TRIM24: variants seen among roughly 807,000 people sequenced by gnomAD.
TRIM24 encodes the protein transcription intermediary factor 1-alpha.
TRIM24 carries 29 observed loss-of-function variants against 123.9 expected under a neutral mutation model. The ratio of observed to expected loss-of-function variants is 0.23; its 90% confidence interval spans 0.17 to 0.32. The LOEUF is 0.32. Among genes scored for constraint, TRIM24 ranks in the 10% least tolerant of loss-of-function variants. The pLI is 1.00. For missense variants in TRIM24, 932 were observed against 1,295.3 expected, an observed-to-expected ratio of 0.72 and a Z score of 4.31; for synonymous variants, 456 against 461.1, an observed-to-expected ratio of 0.99 and a Z score of 0.14.
At chr7:138,532,120 T>C (rs1199972173) in intron 6 of TRIM24, among the ~76,000 whole-genome samples, 1 of 151,958 alleles carries the variant, frequency 6.6e-6, no homozygotes, top group African/African-American at 2.4e-5. Context: ...TATTAGCCCT[T>C]TGTCAGATGA....
chr7:138,533,702 T>G (rs1796798941), intron 6 of TRIM24, among the ~76,000 whole-genome samples: 1 of 152,232 alleles, frequency 6.6e-6, no homozygotes, highest in Non-Finnish European at 1.5e-5. Flanking sequence ...TCTGCCAGGC[T>G]TTGGTATCAG....
intron 14 of TRIM24, 80 bp downstream of exon 14, chr7:138,577,668 TTTTTTTAATGTTA>T (rs1445718720): frequency 3.7e-5 from 44 of 1,186,496 alleles, no homozygotes; most frequent in African/African-American, 4.8e-5. Context: ...CTTAGGAGTT[TTTTTTTAATGTTA>T]TATTTAAAAG....
intron 9 of TRIM24, among the ~76,000 whole-genome samples, chr7:138,557,714 C>T (rs1024147627): frequency 6.6e-6 from 1 of 152,088 alleles, no homozygotes; most frequent in African/African-American, 2.4e-5. Context: ...TTCTGCATAC[C>T]CCACCTTCCT....
intron 9 of TRIM24, among the ~76,000 whole-genome samples, chr7:138,562,420 G>A (rs1023985933): frequency 4.6e-5 from 7 of 152,174 alleles, no homozygotes; most frequent in South Asian, 2.1e-4. Flanking sequence ...TGGTACTATC[G>A]GGTGGATGTT....
At chr7:138,479,921 C>T (rs764672989) in intron 1 of TRIM24, among the ~76,000 whole-genome samples, 16 of 152,022 alleles carry the variant, frequency 1.1e-4, no homozygotes, top group Non-Finnish European at 1.9e-4. Context: ...CGGGTTCAAG[C>T]GATTCTCCCA....
At chr7:138,513,948 C>G (rs1796341326) in intron 2 of TRIM24, among the ~76,000 whole-genome samples, 1 of 152,106 alleles carries the variant, frequency 6.6e-6, no homozygotes, top group African/African-American at 2.4e-5. Flanking sequence ...AGATCAATCC[C>G]TATAATCAAA....
chr7:138,537,384 T>TTG (rs1796908612), intron 6 of TRIM24, among the ~76,000 whole-genome samples: 2 of 124,090 alleles, frequency 1.6e-5, no homozygotes, highest in Non-Finnish European at 3.4e-5. Flanking sequence ...TGTTTGTTTT[T>TTG]TTTTTTTTTT....
chr7:138,486,363 G>C (rs943556533), intron 1 of TRIM24, among the ~76,000 whole-genome samples: 2 of 152,064 alleles, frequency 1.3e-5, no homozygotes, highest in Admixed American at 1.3e-4. Flanking sequence ...TGTCTATTTT[G>C]GCTTTTGTTG....
rs191786146 is a variant in TRIM24, at chr7:138,495,120, A to G, written c.365-9170A>G. On this transcript the variant is annotated intron_variant, in intron 1 of 18. Coordinates refer to ENST00000343526, the MANE Select transcript of TRIM24 (RefSeq NM_015905.3). Reference sequence around the variant, plus strand: ...AAGGAAAAAGAAATATTCGCATACCATGGCTTAATAAAAATGATTATTTAT... The same window carrying G: ...AAGGAAAAAGAAATATTCGCATACCGTGGCTTAATAAAAATGATTATTTAT... 6.8e-3 allele frequency among the ~76,000 whole-genome samples: 1,040 copies of G among 152,340 alleles called. 16 individuals carry two copies. Among genetic ancestry groups the G allele is most frequent in the African/African-American group, 0.024 (981 of 41,582 alleles).
intron 1 of TRIM24, among the ~76,000 whole-genome samples, chr7:138,492,211 G>T (rs146315755): frequency 3.2e-3 from 434 of 136,528 alleles, no homozygotes; most frequent in African/African-American, 0.011. Context: ...GGTGGAGGCT[G>T]CAGTGAGCTG....
chr7:138,584,604 T>C, intron 18 of TRIM24, 138 bp from the exon 19 acceptor site: 1 of 663,560 alleles, frequency 1.5e-6, no homozygotes, highest in Non-Finnish European at 2.5e-6. Context: ...TGGCCTTCTG[T>C]ACAGAGACTT....
intron 1 of TRIM24, among the ~76,000 whole-genome samples, chr7:138,464,907 A>G (rs1795101978): frequency 6.6e-6 from 1 of 152,220 alleles, no homozygotes; most frequent in Admixed American, 6.5e-5. Context: ...GTTACACTCT[A>G]GAATTGTTTC....
In TRIM24 at chr7:138,538,798, C is replaced by T. The variant is rs1209088425; in HGVS notation, c.1138C>T (p.Arg380Ter). The T allele has an allele frequency of 6.2e-7, 1 of 1,613,498 alleles. No individual in the cohort carries two copies. Among genetic ancestry groups the T allele is most frequent in the East Asian group, 2.2e-5 (1 of 44,856 alleles). Residue 380 changes from arginine to a stop codon, truncating the protein, a stop_gained, in exon 7 of 19, where the codon CGA becomes TGA. Transcript: ENST00000343526. LOFTEE classifies it high-confidence loss of function. ...CAGTACAGCATTACTTTATAGCAAA[C>T]GACTGGTAAGATAAAGTATGCTATT... ...GSSTALLYSK[R>*]LITYRLRHLL...
chr7:138,515,898 G>A (rs972355399), intron 3 of TRIM24, among the ~76,000 whole-genome samples: 5 of 152,108 alleles, frequency 3.3e-5, no homozygotes, highest in African/African-American at 1.2e-4. Flanking sequence ...ACTACTAAAT[G>A]TACAATTCAG....
chr7:138,579,160 A>C (rs761122910), intron 14 of TRIM24, 44 bp from the exon 15 acceptor site: 2 of 1,502,370 alleles, frequency 1.3e-6, no homozygotes, highest in African/African-American at 2.8e-5. Flanking sequence ...TTAGTGATAA[A>C]ATTTTTTTTA....
At chr7:138,490,948 C>A in intron 1 of TRIM24, 1 of 329,198 alleles carries the variant, frequency 3.0e-6, no homozygotes, top group South Asian at 2.6e-5. Context: ...TTAGTAAAAC[C>A]AATACAGAAC....
intron 1 of TRIM24, among the ~76,000 whole-genome samples, chr7:138,479,682 T>A (rs896821401): frequency 6.6e-5 from 10 of 151,976 alleles, no homozygotes; most frequent in Admixed American, 2.6e-4. Flanking sequence ...TAATTTTGTA[T>A]TTTTTAGTAG....
At chr7:138,580,244 G>T (rs1312841148) in intron 15 of TRIM24, among the ~76,000 whole-genome samples, 1 of 152,018 alleles carries the variant, frequency 6.6e-6, no homozygotes, top group East Asian at 1.9e-4. Context: ...GAATCCTTTG[G>T]AGGAAAAAAA....
rs572413074 is a variant in TRIM24, at chr7:138,519,088, G to C, written c.632-101G>C. The C allele has an allele frequency of 4.4e-6, 6 of 1,362,706 alleles. No individual in the cohort carries two copies. The East Asian group carries it at 1.2e-4, about 28-fold the overall frequency. 84.4% of individuals were successfully genotyped at this position (1,362,706 alleles called of 1,614,324 possible). ...ATGGTATAGTATAGGTGAAGCTGTA[G>C]TGTTTATATCAATAGATGTGAATTC... On this transcript the variant is annotated intron_variant, in intron 3 of 18. Transcript: ENST00000343526.
Sources: allele counts gnomAD v4.1 joint callset (sites outside exome capture counted in the v4.1 genomes callset), GRCh38; gene constraint gnomAD v4.1.1; transcripts MANE v1.5; gene names NCBI Gene and HGNC (gene_info 2026-07-23, HGNC 2026-07-21).